SLC25A48: variants seen among roughly 807,000 people sequenced by gnomAD.
SLC25A48 encodes the protein CTC-321K16.1.
In SLC25A48, 29 loss-of-function variants were observed where a neutral mutation model predicts 32.2. The observed-to-expected ratio is 0.90, with a 90% CI of 0.67 to 1.23. The LOEUF (loss-of-function observed/expected upper bound fraction) is 1.23, where lower values mean the gene tolerates loss of function less well. SLC25A48 is among the 50% of genes most tolerant of loss of function. The pLI is 0.00. For synonymous variants in SLC25A48, 164 were observed against 172.3 expected (o/e 0.95, Z 0.38); for missense variants, 399 against 422.7 (o/e 0.94, Z 0.49).
chr5:135,772,481 C>A (rs11242271), intron 3 of SLC25A48, among the ~76,000 whole-genome samples: 1 of 151,312 alleles, frequency 6.6e-6, no homozygotes, highest in African/African-American at 2.4e-5. Context: ...ATAATATTCA[C>A]GAAGAAAGAG....
intron 3 of SLC25A48, among the ~76,000 whole-genome samples, chr5:135,676,125 A>T (rs551085179): frequency 6.6e-6 from 1 of 151,906 alleles, no homozygotes; most frequent in Non-Finnish European, 1.5e-5. Flanking sequence ...ATTTCTAGTT[A>T]TAGGATCATA....
chr5:135,580,930 C>T (rs918948449), intron 1 of SLC25A48, among the ~76,000 whole-genome samples: 3 of 152,118 alleles, frequency 2.0e-5, no homozygotes, highest in Non-Finnish European at 2.9e-5. Context: ...CAATAGCTCC[C>T]TTAATGGTTT....
At chr5:135,678,435 T>C (rs1753819004) in intron 3 of SLC25A48, among the ~76,000 whole-genome samples, 1 of 152,232 alleles carries the variant, frequency 6.6e-6, no homozygotes, top group Non-Finnish European at 1.5e-5. Flanking sequence ...TGAGTTCTTT[T>C]TCTGATTTAT....
intron 3 of SLC25A48, among the ~76,000 whole-genome samples, chr5:135,771,407 C>T (rs1179380923): frequency 5.9e-5 from 9 of 151,580 alleles, no homozygotes; most frequent in African/African-American, 1.7e-4. Flanking sequence ...GGGTGTTCAC[C>T]ACCTTGTGAT....
At chr5:135,680,686 A>C in intron 3 of SLC25A48, among the ~76,000 whole-genome samples, 1 of 152,164 alleles carries the variant, frequency 6.6e-6, no homozygotes, top group East Asian at 1.9e-4. Flanking sequence ...AGACTTATTC[A>C]CAATCACAAG....
chr5:135,632,774 T>C (rs1752606496), intron 2 of SLC25A48, among the ~76,000 whole-genome samples: 2 of 152,166 alleles, frequency 1.3e-5, no homozygotes, highest in Admixed American at 1.3e-4. Flanking sequence ...CATGAATACT[T>C]AATGGTTTTG....
At chr5:135,833,063 C>T (rs1758267208), upstream of SLC25A48, among the ~76,000 whole-genome samples, 1 of 152,242 alleles carries the variant, frequency 6.6e-6, no homozygotes, top group Admixed American at 6.5e-5. Flanking sequence ...GCTCATAGCC[C>T]TGTGGTCTGG....
At chr5:135,687,042 T>G (rs1321354785) in intron 3 of SLC25A48, among the ~76,000 whole-genome samples, 3 of 151,592 alleles carry the variant, frequency 2.0e-5, no homozygotes, top group Non-Finnish European at 2.9e-5. Context: ...AAACAATCCA[T>G]TAAGTGGCTT....
At chr5:135,632,636 G>C (rs1419529423) in intron 2 of SLC25A48, among the ~76,000 whole-genome samples, 1 of 152,196 alleles carries the variant, frequency 6.6e-6, no homozygotes, top group Non-Finnish European at 1.5e-5. Flanking sequence ...AGCCTGGGCA[G>C]AACAGTAGGA....
Position 135,854,567 on chromosome 5 carries a change from C to G in SLC25A48, c.421+1746C>G, listed in dbSNP as rs539554749. ...AAACTTTTCTTCTGCAGCTTCCTCA[C>G]CTCTCTCCACCTTCAGAGAATTGAG... On this transcript the variant is annotated intron_variant, in intron 4 of 7. Transcript: ENST00000681962. Among the ~76,000 whole-genome samples the G allele has an allele frequency of 4.8e-4, 73 of 152,338 alleles. 2 individuals carry two copies. In the South Asian group the frequency reaches 0.015, roughly 31 times the overall value.
At chr5:135,872,055 C>T in intron 5 of SLC25A48, 1 of 1,194,102 alleles carries the variant, frequency 8.4e-7, no homozygotes, top group Non-Finnish European at 1.1e-6. Context: ...TGTAAGGATG[C>T]CATTAGTTCT....
Position 135,637,015 on chromosome 5 carries a change from A to G in SLC25A48, c.-521+2059A>G, listed in dbSNP as rs1178006507. The stretch of plus-strand genomic sequence containing the variant: ...ATATAAAAGATGACCTTTAAAAGCC[A>G]GCTGCTGTGAACAAACACAGCTACT... On this transcript the variant is annotated intron_variant, in intron 3 of 10. Coordinates refer to the SLC25A48 transcript ENST00000646290. 5.3e-5 allele frequency among the ~76,000 whole-genome samples: 8 copies of G among 152,364 alleles called. No homozygotes were observed. The South Asian group carries it at 8.3e-4, about 16-fold the overall frequency.
intron 4 of SLC25A48, among the ~76,000 whole-genome samples, chr5:135,854,182 T>C (rs1387454793): frequency 6.6e-6 from 1 of 152,240 alleles, no homozygotes; most frequent in African/African-American, 2.4e-5. Flanking sequence ...AGATTGATTG[T>C]CATTCTTAAA....
intron 3 of SLC25A48, among the ~76,000 whole-genome samples, chr5:135,787,162 A>G (rs1456553424): frequency 1.3e-5 from 2 of 152,040 alleles, no homozygotes; most frequent in Non-Finnish European, 2.9e-5. Context: ...TATTATTCAT[A>G]TAATTACAGA....
At chr5:135,877,292 C>A (rs953825108) in intron 6 of SLC25A48, among the ~76,000 whole-genome samples, 2 of 152,080 alleles carry the variant, frequency 1.3e-5, no homozygotes, top group African/African-American at 4.8e-5. Context: ...TGGTGAGCAC[C>A]TTGGTAATCT....
intron 4 of SLC25A48, among the ~76,000 whole-genome samples, chr5:135,824,225 C>T (rs534737607): frequency 6.6e-6 from 1 of 152,250 alleles, no homozygotes; most frequent in African/African-American, 2.4e-5. Context: ...GCCCTGAGTG[C>T]TTGAGCAATC....
At chr5:135,652,771 C>T (rs1753146666) in intron 3 of SLC25A48, among the ~76,000 whole-genome samples, 1 of 152,180 alleles carries the variant, frequency 6.6e-6, no homozygotes, top group African/African-American at 2.4e-5. Flanking sequence ...AATCTATGCA[C>T]AGAATTTTAG....
chr5:135,643,981 CTCTT>C (rs1752900460), intron 3 of SLC25A48, among the ~76,000 whole-genome samples: 1 of 152,182 alleles, frequency 6.6e-6, no homozygotes, highest in African/African-American at 2.4e-5. Flanking sequence ...AGAGCCCACA[CTCTT>C]TATTAGAGCC....
intron 1 of SLC25A48, among the ~76,000 whole-genome samples, chr5:135,580,126 T>A (rs1424735852): frequency 6.6e-6 from 1 of 152,208 alleles, no homozygotes; most frequent in Non-Finnish European, 1.5e-5. Context: ...ACTTTTAATT[T>A]CTTTATTTGA....
Sources: gnomAD v4.1 joint callset for allele counts (sites outside exome capture counted in the v4.1 genomes callset) on GRCh38, gnomAD v4.1.1 for gene constraint, MANE v1.5 for transcripts, NCBI Gene and HGNC (gene_info 2026-07-23, HGNC 2026-07-21) for gene names.